ERBB3: variants seen among roughly 807,000 people sequenced by gnomAD.
The protein encoded by ERBB3 is receptor tyrosine-protein kinase erbB-3.
In ERBB3, 96 loss-of-function variants were observed where a neutral mutation model predicts 156.7. The ratio of observed to expected loss-of-function variants is 0.61; its 90% CI spans 0.52 to 0.73. ERBB3 has a LOEUF of 0.73. Among genes scored for constraint, ERBB3 ranks in the 30% least tolerant of loss-of-function variants. The probability of loss-of-function intolerance (pLI) is 0.00; values close to 1 mark genes in which losing one functional copy is unlikely to be tolerated. For synonymous variants in ERBB3, 567 were observed against 632.0 expected (o/e 0.90, Z 1.54); for missense variants, 1,406 against 1,709.4 (o/e 0.82, Z 3.13).
intron 9 of ERBB3, chr12:56,089,130 T>C (rs181858183): frequency 1.8e-6 from 1 of 543,516 alleles, no homozygotes; most frequent in East Asian, 4.3e-5. Context: ...AAAGTTTTCT[T>C]TTTTATTCTT....
chr12:56,097,671 C>A, intron 20 of ERBB3, 114 bp from the exon 21 acceptor site: 2 of 1,125,522 alleles, frequency 1.8e-6, no homozygotes, highest in South Asian at 1.2e-5. Context: ...GTCCCTGGTG[C>A]CAAAAAAGGT....
rs1869136311 is a variant in ERBB3, at chr12:56,102,192, G to A, written c.*137G>A. The stretch of plus-strand genomic sequence containing the variant: ...TCCCAGACAATTCCATTCAATCTTT[G>A]GAGGCTTTTAAACATTTTGACACAA... On this transcript the variant is annotated 3_prime_UTR_variant, in exon 28 of 28. Coordinates refer to ENST00000267101, the MANE Select transcript of ERBB3 (RefSeq NM_001982.4). The A allele has an allele frequency of 4.9e-6, 4 of 809,238 alleles. No individual in the cohort carries two copies. In the African/African-American group the frequency reaches 5.1e-5, roughly 10 times the overall value. The allele number at this position is 809,238 out of a possible 1,614,324, so 50.1% of individuals were successfully genotyped here.
chr12:56,101,975 G>A lies in ERBB3; in HGVS notation c.3949G>A (p.Glu1317Lys), dbSNP rs770291856. The change falls in exon 28 of 28, where the codon GAG becomes AAG. Residue 1317 changes from glutamate (E) to lysine (K), a missense_variant. By Grantham distance (56) the Glu-to-Lys change is moderately conservative. Around this residue, in one of 3 missense-constraint regions of ERBB3, gnomAD observed 415 missense variants for 454.1 expected, o/e 0.91. Transcript: ENST00000267101. ...YARLKTLRSL[E>K]ATDSAFDNPD... ...CCGCCTAAAAACTCTACGTAGCTTA[G>A]AGGCTACAGACTCTGCCTTTGATAA... 22 of 1,613,696 alleles carry A rather than the reference G, an allele frequency of 1.4e-5. No homozygotes were observed. The Admixed American group carries it at 3.2e-4, about 23-fold the overall frequency.
intron 9 of ERBB3, among the ~76,000 whole-genome samples, chr12:56,089,619 C>T (rs1221883256): frequency 6.6e-6 from 1 of 151,936 alleles, no homozygotes; most frequent in Non-Finnish European, 1.5e-5. Context: ...GGTGCACATG[C>T]CTGTAATCCC....
chr12:56,098,812 C>A lies in ERBB3; in HGVS notation c.2746C>A (p.Arg916=), dbSNP rs748627495. 2 of 1,613,812 alleles carry A rather than the reference C, an allele frequency of 1.2e-6. No individual in the cohort carries two copies. Among genetic ancestry groups the A allele is most frequent in the Non-Finnish European group, 1.7e-6 (2 of 1,179,746 alleles). The change falls in exon 23 of 28, where the codon CGA becomes AGA. Residue 916 remains arginine, a synonymous_variant. Coordinates refer to ENST00000267101, the MANE Select transcript of ERBB3 (RefSeq NM_001982.4). ...CGGGGCAGAGCCCTATGCAGGGCTACGATTGGCTGAAGTACCAGACCTGCT... is the reference window on the plus strand; with the variant it reads ...CGGGGCAGAGCCCTATGCAGGGCTAAGATTGGCTGAAGTACCAGACCTGCT... The part of the protein sequence containing the change: ...TFGAEPYAGL[R]LAEVPDLLEK...
At chr12:56,091,410 A>T (rs180921882) in intron 9 of ERBB3, among the ~76,000 whole-genome samples, 5,736 of 61,100 alleles carry the variant, frequency 0.094, 379 homozygotes, top group African/African-American at 0.22. Flanking sequence ...ATATATATAT[A>T]TTTTTTTTTT....
chr12:56,088,620 A>C lies in ERBB3; in HGVS notation c.952A>C (p.Lys318Gln), dbSNP rs1408700785. ...DKMEVDKNGL[K>Q]MCEPCGGLCP... ...GATGGAAGTAGATAAAAATGGGCTC[A>C]AGATGTGTGAGCCTTGTGGGGGACT... Residue 318 changes from lysine to glutamine, a missense_variant, in exon 8 of 28, where the codon AAG becomes CAG. Physicochemically the swap from Lys to Gln is moderately conservative, Grantham distance 53. Transcript: ENST00000267101. 2.5e-6 allele frequency: 4 copies of C among 1,614,070 alleles called. No individual in the cohort carries two copies. The East Asian group carries it at 8.9e-5, about 36-fold the overall frequency.
intron 1 of ERBB3, among the ~76,000 whole-genome samples, chr12:56,081,873 C>T (rs954659043): frequency 9.9e-5 from 15 of 152,098 alleles, no homozygotes; most frequent in African/African-American, 3.6e-4. Flanking sequence ...AAAGGAGGGC[C>T]TGTGACACTG....
Position 56,102,501 on chromosome 12 carries a change from AG to A in ERBB3, c.*447del. On this transcript the variant is annotated 3_prime_UTR_variant, in exon 28 of 28. Transcript: ENST00000267101. Reference sequence around the variant, plus strand: ...TTTGGTTTATGACTCTTAACCCCCTAGAAAGACAGAAGCTTAAAATCTGTGA... The same window carrying A: ...TTTGGTTTATGACTCTTAACCCCCTAAAAGACAGAAGCTTAAAATCTGTGA... 4.1e-6 allele frequency: 1 copy of A among 246,256 alleles called. No homozygotes were observed. The highest frequency in any genetic ancestry group is 8.0e-6 in the Non-Finnish European group (1 of 125,610). 15.3% of individuals were successfully genotyped at this position (246,256 alleles called of 1,614,324 possible). A position where few individuals can be genotyped will look rare whatever the true frequency, so the allele number is the denominator to read the frequency against.
Position 56,102,230 on chromosome 12 carries a change from A to G in ERBB3, c.*175A>G. 1.6e-6 allele frequency: 1 copy of G among 644,720 alleles called. No homozygotes were observed. Among genetic ancestry groups the G allele is most frequent in the Non-Finnish European group, 2.7e-6 (1 of 368,520 alleles). 39.9% of individuals were successfully genotyped at this position (644,720 alleles called of 1,614,324 possible). On this transcript the variant is annotated 3_prime_UTR_variant, in exon 28 of 28. Transcript: ENST00000267101. ...CATTTTGACACAAAATTCTTATGGT[A>G]TGTAGCCAGCTGTGCACTTTCTTCT...
intron 3 of ERBB3, among the ~76,000 whole-genome samples, chr12:56,085,896 C>T (rs1399978654): frequency 4.6e-5 from 7 of 151,388 alleles, no homozygotes; most frequent in African/African-American, 1.2e-4. Context: ...GGTGAAACCC[C>T]GTCTCTACTA....
At chr12:56,084,835 C>T (rs1256910038) in intron 2 of ERBB3, among the ~76,000 whole-genome samples, 160 bp from the exon 3 acceptor site, 1 of 151,412 alleles carries the variant, frequency 6.6e-6, no homozygotes, top group Non-Finnish European at 1.5e-5. Flanking sequence ...GCAACAAGAG[C>T]GTAACTCCGT....
chr12:56,095,853 T>C (rs1336658415), intron 17 of ERBB3, 47 bp downstream of exon 17: 2 of 1,608,810 alleles, frequency 1.2e-6, no homozygotes, highest in Admixed American at 3.3e-5. Context: ...TTTTTGCATG[T>C]CCTGGAAGTC....
chr12:56,096,352 CA>C, intron 17 of ERBB3, 150 bp from the exon 18 acceptor site: 1 of 903,996 alleles, frequency 1.1e-6, no homozygotes, highest in East Asian at 2.4e-5. Context: ...GTCTGTACCT[CA>C]ATATGCCTAT....
chr12:56,096,369 A>C, intron 17 of ERBB3, 134 bp from the exon 18 acceptor site: 1 of 1,075,798 alleles, frequency 9.3e-7, no homozygotes, highest in Non-Finnish European at 1.4e-6. Flanking sequence ...CCTATAATCC[A>C]TTCCAGGACT....
At chr12:56,099,814 C>G (rs780308521) in intron 24 of ERBB3, 24 bp from the exon 25 acceptor site, 3 of 1,613,538 alleles carry the variant, frequency 1.9e-6, no homozygotes, top group East Asian at 4.5e-5. Flanking sequence ...CAGGATTCCC[C>G]CTAACAATCA....
chr12:56,098,890 A>C lies in ERBB3; in HGVS notation c.2824A>C (p.Met942Leu). Residue 942 changes from methionine to leucine, a missense_variant, in exon 23 of 28, where the codon ATG (methionine) becomes CTG (leucine). Physicochemically the swap from Met to Leu is conservative, Grantham distance 15. Transcript: ENST00000267101. ...QPQICTIDVYMVMVKCWMIDE... is the reference protein window; with the variant it reads ...QPQICTIDVYLVMVKCWMIDE... ...CCAGATCTGCACAATTGATGTCTAC[A>C]TGGTGATGGTCAAGTGTGAGTTACC... 6.2e-7 allele frequency: 1 copy of C among 1,613,300 alleles called. No individual in the cohort carries two copies. Among genetic ancestry groups the C allele is most frequent in the Non-Finnish European group, 8.5e-7 (1 of 1,179,846 alleles).
chr12:56,091,616 G>A (rs1237428470), intron 9 of ERBB3, among the ~76,000 whole-genome samples: 1 of 151,306 alleles, frequency 6.6e-6, no homozygotes, highest in Non-Finnish European at 1.5e-5. Context: ...GGGATTATAG[G>A]CATGCGCCGC....
chr12:56,084,955 C>T (rs1868424720), intron 2 of ERBB3, 40 bp from the exon 3 acceptor site: 3 of 1,613,266 alleles, frequency 1.9e-6, no homozygotes, highest in Non-Finnish European at 1.7e-6. Context: ...ATTATTTTGC[C>T]CTGTTGTCTC....
Sources: allele counts gnomAD v4.1 joint callset (sites outside exome capture counted in the v4.1 genomes callset), GRCh38; gene constraint gnomAD v4.1.1; regional missense constraint gnomAD v4.1.1; transcripts MANE v1.5; gene names NCBI Gene and HGNC (gene_info 2026-07-23, HGNC 2026-07-21).